SUGP1: variants seen among roughly 807,000 people sequenced by gnomAD.
SUGP1 encodes the protein SURP and G-patch domain containing 1, also known as SURP and G-patch domain-containing protein 1.
In SUGP1, 34 loss-of-function variants were observed where a neutral mutation model predicts 76.5. That is an observed-to-expected ratio of 0.44 (90% CI 0.34 to 0.59). The LOEUF is 0.59. Ranked by LOEUF, SUGP1 falls within the 20% of genes least tolerant of loss-of-function variation. The pLI, the probability that SUGP1 is intolerant of heterozygous loss-of-function variation, is 0.01. For synonymous variants in SUGP1, 326 were observed against 326.2 expected (o/e 1.00, Z 0.01); for missense variants, 752 against 851.7 (o/e 0.88, Z 1.46).
At chr19:19,277,288 G>T (rs918693778) in intron 12 of SUGP1, among the ~76,000 whole-genome samples, 2 of 151,758 alleles carry the variant, frequency 1.3e-5, no homozygotes, top group Non-Finnish European at 2.9e-5. Flanking sequence ...TCCCACACAG[G>T]AAGGAGGAGC....
At chr19:19,279,534 T>C (rs1462184712) in intron 9 of SUGP1, 144 bp from the exon 10 acceptor site, 2 of 854,192 alleles carry the variant, frequency 2.3e-6, no homozygotes, top group East Asian at 2.7e-5. Context: ...GCAAGGACTC[T>C]AGCAAGTACT....
chr19:19,280,431 C>T (rs776435747), intron 8 of SUGP1, 140 bp from the exon 9 acceptor site: 7 of 747,460 alleles, frequency 9.4e-6, no homozygotes, highest in South Asian at 1.6e-5. Context: ...GTCAGTGCCA[C>T]GTGGTACGTG....
chr19:19,302,398 G>A lies in SUGP1; in HGVS notation c.764-10C>T. The A allele has an allele frequency of 6.2e-7, 1 of 1,613,734 alleles. No homozygotes were observed. The highest frequency in any genetic ancestry group is 2.2e-5 in the East Asian group (1 of 44,886). On this transcript the variant is annotated splice_polypyrimidine_tract_variant and intron_variant, in intron 6 of 13. Transcript: ENST00000247001. ...TCCTCTGGGGGTGAAACTTTAAGCA[G>A]GCTGTCAGTACTGGGCTCAACTCAC...
intron 7 of SUGP1, among the ~76,000 whole-genome samples, chr19:19,298,871 AC>A (rs2061249518): frequency 2.0e-5 from 3 of 151,896 alleles, no homozygotes; most frequent in Admixed American, 6.6e-5. Context: ...CTGGTGCTTC[AC>A]CCTGAGTGTC....
chr19:19,307,499 C>T (rs2061325678), intron 3 of SUGP1, among the ~76,000 whole-genome samples: 1 of 152,092 alleles, frequency 6.6e-6, no homozygotes, highest in Admixed American at 6.6e-5. Context: ...TGGAACAAAA[C>T]GCACACTATG....
intron 7 of SUGP1, 47 bp downstream of exon 7, chr19:19,302,218 G>A (rs2061277157): frequency 1.2e-6 from 2 of 1,609,756 alleles, no homozygotes; most frequent in South Asian, 1.1e-5. Flanking sequence ...CCTGCAGGGG[G>A]ACTGTGGCCA....
intron 1 of SUGP1, among the ~76,000 whole-genome samples, chr19:19,317,678 T>G (rs1470453426): frequency 6.6e-6 from 1 of 151,968 alleles, no homozygotes; most frequent in African/African-American, 2.4e-5. Flanking sequence ...CCACCTCACT[T>G]GGCTAATTTT....
chr19:19,303,330 C>G lies in SUGP1; in HGVS notation c.763+18G>C. The G allele has an allele frequency of 6.2e-7, 1 of 1,610,138 alleles. No individual in the cohort carries two copies. The highest frequency in any genetic ancestry group is 8.5e-7 in the Non-Finnish European group (1 of 1,176,530). ...CCACAGGCCTCCCCAGAATCTCCCA[C>G]CCGCTCCGTCCACCTACCTTTCTGA... is the stretch of plus-strand genomic sequence containing the variant. On this transcript the variant is annotated intron_variant, in intron 6 of 13. Coordinates refer to ENST00000247001, the MANE Select transcript of SUGP1 (RefSeq NM_172231.4).
chr19:19,308,278 G>C (rs1485609195), intron 3 of SUGP1, among the ~76,000 whole-genome samples: 1 of 151,312 alleles, frequency 6.6e-6, no homozygotes, highest in Non-Finnish European at 1.5e-5. Context: ...AAGCGATCCT[G>C]TCCCCTTCGG....
At chr19:19,300,013 G>A (rs1159862872) in intron 7 of SUGP1, among the ~76,000 whole-genome samples, 1 of 151,592 alleles carries the variant, frequency 6.6e-6, no homozygotes, top group Non-Finnish European at 1.5e-5. Flanking sequence ...CTCGACCTCA[G>A]GTGATCCACC....
Position 19,306,099 on chromosome 19 carries a change from C to A in SUGP1, c.311-23G>T, listed in dbSNP as rs780793326. 9.2e-6 allele frequency: 14 copies of A among 1,528,114 alleles called. No individual in the cohort carries two copies. In the Admixed American group the frequency reaches 2.7e-4, roughly 30 times the overall value. The allele number at this position is 1,528,114 out of a possible 1,614,324, so 94.7% of individuals were successfully genotyped here. ...CGTCTGGTATAGAAGGAAGGATATGCGCACTCGGGATCTGCAGGGCACCTC... is the reference window on the plus strand; with the variant it reads ...CGTCTGGTATAGAAGGAAGGATATGAGCACTCGGGATCTGCAGGGCACCTC... On this transcript the variant is annotated intron_variant, in intron 3 of 13. Transcript: ENST00000247001.
chr19:19,304,027 T>C (rs2061295312), intron 4 of SUGP1, 180 bp from the exon 5 acceptor site: 13 of 1,580,920 alleles, frequency 8.2e-6, no homozygotes, highest in African/African-American at 1.3e-5. Context: ...TCGGTCTCAC[T>C]GTCTTGGTGA....
At chr19:19,320,362 G>C (rs561857552) in intron 1 of SUGP1, 101 bp downstream of exon 1, 2 of 1,302,772 alleles carry the variant, frequency 1.5e-6, no homozygotes, top group African/African-American at 3.0e-5. Context: ...GGGCTGAAGC[G>C]AGGGATCCAC....
intron 8 of SUGP1, among the ~76,000 whole-genome samples, chr19:19,292,099 C>T (rs1237761245): frequency 3.3e-5 from 5 of 151,412 alleles, no homozygotes; most frequent in African/African-American, 4.9e-5. Context: ...ATGGCAAAAC[C>T]CCATCTCTAC....
intron 8 of SUGP1, among the ~76,000 whole-genome samples, chr19:19,291,573 A>G (rs1046215124): frequency 6.6e-6 from 1 of 152,062 alleles, no homozygotes; most frequent in African/African-American, 2.4e-5. Flanking sequence ...GTAAATCAGG[A>G]TTCGAAAAAA....
chr19:19,280,398 C>T (rs925166874), intron 8 of SUGP1, 107 bp from the exon 9 acceptor site: 6 of 972,838 alleles, frequency 6.2e-6, no homozygotes, highest in Non-Finnish European at 9.6e-6. Flanking sequence ...ACTCCAGGCA[C>T]ACGGGGACCT....
At chr19:19,316,362 G>A (rs573447599) in intron 2 of SUGP1, 60 bp downstream of exon 2, 8 of 1,595,706 alleles carry the variant, frequency 5.0e-6, no homozygotes, top group Non-Finnish European at 6.8e-6. Flanking sequence ...GCCAAACCCT[G>A]TGCTGGTGAC....
chr19:19,276,529 G>A lies in SUGP1; in HGVS notation c.*119C>T. On this transcript the variant is annotated 3_prime_UTR_variant, in exon 14 of 14. Transcript: ENST00000247001. ...AGGCATCTGTGGTGGATGAGCACTG[G>A]GACTTTATTACACGGCACGGCACTC... 1 of 1,256,584 alleles carries A rather than the reference G, an allele frequency of 8.0e-7. No homozygotes were observed. The highest frequency in any genetic ancestry group is 1.3e-5 in the South Asian group (1 of 76,178). The allele number at this position is 1,256,584 out of a possible 1,614,324, so 77.8% of individuals were successfully genotyped here.
chr19:19,298,872 C>T (rs553290040), intron 7 of SUGP1, among the ~76,000 whole-genome samples: 1 of 152,254 alleles, frequency 6.6e-6, no homozygotes, highest in Non-Finnish European at 1.5e-5. Context: ...TGGTGCTTCA[C>T]CCTGAGTGTC....
Sources: gnomAD v4.1 joint callset for allele counts (sites outside exome capture counted in the v4.1 genomes callset) on GRCh38, gnomAD v4.1.1 for gene constraint, MANE v1.5 for transcripts, NCBI Gene and HGNC (gene_info 2026-07-23, HGNC 2026-07-21) for gene names.